The following DTD1 variants were observed in gnomAD, a reference collection of about 807,000 sequenced individuals.
The protein encoded by DTD1 is D-tyrosyl-tRNA deacylase 1 homolog.
In DTD1, 13 loss-of-function variants were observed where a neutral mutation model predicts 25.6. The ratio of observed to expected loss-of-function variants is 0.51; its 90% confidence interval spans 0.33 to 0.81. The LOEUF is 0.81. Ranked by LOEUF, DTD1 falls within the 30% of genes least tolerant of loss-of-function variation. The pLI is 0.02. For synonymous variants in DTD1, 110 were observed against 103.6 expected (o/e 1.06, Z -0.37); for missense variants, 193 against 266.4 (o/e 0.72, Z 1.92).
At chr20:18,708,194 AT>A (rs71194261) in intron 4 of DTD1, among the ~76,000 whole-genome samples, 5 of 58,600 alleles carry the variant, frequency 8.5e-5, no homozygotes, top group Non-Finnish European at 1.2e-4. Flanking sequence ...TTATATATAT[AT>A]TATATATATA....
intron 4 of DTD1, among the ~76,000 whole-genome samples, chr20:18,701,816 T>C (rs1289084220): frequency 6.6e-6 from 1 of 152,254 alleles, no homozygotes; most frequent in African/African-American, 2.4e-5. Context: ...AATCACCTAA[T>C]AATTCTTTAA....
intron 3 of DTD1, among the ~76,000 whole-genome samples, chr20:18,614,152 C>T (rs2060699624): frequency 6.6e-6 from 1 of 152,046 alleles, no homozygotes; most frequent in African/African-American, 2.4e-5. Context: ...ATTGTAATGA[C>T]CTGGGGCACT....
At chr20:18,596,612 A>G (rs2060613114) in intron 3 of DTD1, among the ~76,000 whole-genome samples, 1 of 152,254 alleles carries the variant, frequency 6.6e-6, no homozygotes, top group Non-Finnish European at 1.5e-5. Flanking sequence ...CATATTTAAA[A>G]AAATAAAAAG....
intron 4 of DTD1, among the ~76,000 whole-genome samples, chr20:18,689,382 A>G (rs1197108128): frequency 6.6e-6 from 1 of 152,210 alleles, no homozygotes; most frequent in African/African-American, 2.4e-5. Context: ...TTTTCATAGA[A>G]TCACCTATAG....
chr20:18,733,636 GAAT>G (rs1051137110), intron 4 of DTD1, among the ~76,000 whole-genome samples: 14 of 152,176 alleles, frequency 9.2e-5, no homozygotes. Context: ...AGAGTAATAA[GAAT>G]AATAGAAAGG....
chr20:18,742,968 A>G (rs983150418), intron 4 of DTD1, among the ~76,000 whole-genome samples: 2 of 152,198 alleles, frequency 1.3e-5, no homozygotes, highest in Non-Finnish European at 2.9e-5. Flanking sequence ...GAGGGAGATA[A>G]AACTGGGTAT....
At position 18,596,121 on chromosome 20, in the gene DTD1, T is replaced by G; in HGVS notation, c.250T>G (p.Cys84Gly). 6.2e-7 allele frequency: 1 copy of G among 1,614,172 alleles called. No homozygotes were observed. Among genetic ancestry groups the G allele is most frequent in the Non-Finnish European group, 8.5e-7 (1 of 1,180,016 alleles). ...GTGTGTCAGCCAGTTTACCCTCCAGTGTGTCCTGAAGGGAAACAAGCCTGA... is the reference window on the plus strand; with the variant it reads ...GTGTGTCAGCCAGTTTACCCTCCAGGGTGTCCTGAAGGGAAACAAGCCTGA... ...ILCVSQFTLQ[C>G]VLKGNKPDFH... Residue 84 changes from cysteine to glycine, a missense_variant, in exon 3 of 6, where the codon TGT (cysteine) becomes GGT (glycine). Transcript: ENST00000377452.
At chr20:18,714,165 G>A (rs747413724) in intron 4 of DTD1, among the ~76,000 whole-genome samples, 8 of 152,236 alleles carry the variant, frequency 5.3e-5, no homozygotes, top group Non-Finnish European at 1.0e-4. Context: ...TAAACACAGA[G>A]CAAATTATTT....
intron 4 of DTD1, 127 bp from the exon 5 acceptor site, chr20:18,743,973 C>T (rs1276219487): frequency 3.1e-6 from 3 of 958,574 alleles, no homozygotes; most frequent in Non-Finnish European, 3.0e-6. Flanking sequence ...ATCTGAACCA[C>T]TGTGCTCTGC....
chr20:18,723,423 C>T (rs939515193), intron 4 of DTD1, among the ~76,000 whole-genome samples: 1 of 152,214 alleles, frequency 6.6e-6, no homozygotes. Flanking sequence ...ATTTCAGGAA[C>T]CTTAGCCAGT....
chr20:18,628,410 G>A (rs1406960545), intron 4 of DTD1, among the ~76,000 whole-genome samples, 177 bp downstream of exon 4: 1 of 152,200 alleles, frequency 6.6e-6, no homozygotes, highest in African/African-American at 2.4e-5. Context: ...TGTGGCCGGT[G>A]GGTACAGCAC....
chr20:18,744,025 A>G lies in DTD1; in HGVS notation c.478-75A>G, dbSNP rs1361207751. 8.1e-6 allele frequency: 12 copies of G among 1,479,072 alleles called. No homozygotes were observed. In the East Asian group the frequency reaches 2.7e-4, roughly 33 times the overall value. The allele number at this position is 1,479,072 out of a possible 1,614,324, so 91.6% of individuals were successfully genotyped here. ...AACTTTTCAATGGTTCCCACCTGGGAAGTCACTGGTGTGTGGGATACACAG... is the reference window on the plus strand; with the variant it reads ...AACTTTTCAATGGTTCCCACCTGGGGAGTCACTGGTGTGTGGGATACACAG... On this transcript the variant is annotated intron_variant, in intron 4 of 5. Transcript: ENST00000377452.
intron 4 of DTD1, among the ~76,000 whole-genome samples, chr20:18,707,308 C>A (rs2061130525): frequency 6.6e-6 from 1 of 152,202 alleles, no homozygotes; most frequent in Admixed American, 6.5e-5. Flanking sequence ...TCCATTTAAA[C>A]AAGCTCCTTA....
chr20:18,657,962 G>A (rs73601841), intron 4 of DTD1, among the ~76,000 whole-genome samples: 1 of 152,164 alleles, frequency 6.6e-6, no homozygotes, highest in Non-Finnish European at 1.5e-5. Context: ...GCCTTACTCA[G>A]TATTAGAGGG....
intron 4 of DTD1, among the ~76,000 whole-genome samples, chr20:18,634,086 C>T (rs984062591): frequency 1.3e-5 from 2 of 152,236 alleles, no homozygotes; most frequent in African/African-American, 4.8e-5. Flanking sequence ...TGCAGGAGAA[C>T]ACGATTCTGG....
intron 4 of DTD1, among the ~76,000 whole-genome samples, chr20:18,640,797 AT>A (rs2060825275): frequency 1.3e-5 from 2 of 151,798 alleles, no homozygotes; most frequent in African/African-American, 4.8e-5. Context: ...TGCCTGACTA[AT>A]TTTTGTATTT....
At chr20:18,651,343 G>T (rs2060873237) in intron 4 of DTD1, among the ~76,000 whole-genome samples, 1 of 152,158 alleles carries the variant, frequency 6.6e-6, no homozygotes. Context: ...GTAGAGAGGG[G>T]TTTCACTATG....
intron 4 of DTD1, among the ~76,000 whole-genome samples, chr20:18,731,301 C>T (rs566331863): frequency 6.0e-4 from 91 of 152,194 alleles, no homozygotes; most frequent in African/African-American, 2.1e-3. Flanking sequence ...TCATCTTTTC[C>T]TCTGGGTATC....
At chr20:18,677,999 G>A (rs1274461440) in intron 4 of DTD1, among the ~76,000 whole-genome samples, 1 of 152,206 alleles carries the variant, frequency 6.6e-6, no homozygotes, top group Non-Finnish European at 1.5e-5. Flanking sequence ...TTGGTTTCTT[G>A]CGGGATAAAT....
Sources: allele counts gnomAD v4.1 joint callset (sites outside exome capture counted in the v4.1 genomes callset), GRCh38; gene constraint gnomAD v4.1.1; transcripts MANE v1.5; gene names NCBI Gene and HGNC (gene_info 2026-07-23, HGNC 2026-07-21).